Variants in SLC22A23 observed in about 807,000 individuals in gnomAD.
SLC22A23 encodes the protein ion transporter protein.
In SLC22A23, 26 loss-of-function variants were observed where a neutral mutation model predicts 61.0. The ratio of observed to expected loss-of-function variants is 0.43; its 90% CI spans 0.31 to 0.59. The LOEUF is 0.59. Ranked by LOEUF, SLC22A23 falls within the 20% of genes least tolerant of loss-of-function variation. SLC22A23 has a pLI of 0.11. For synonymous variants in SLC22A23, 430 were observed against 413.9 expected (o/e 1.04, Z -0.47); for missense variants, 796 against 934.7 (o/e 0.85, Z 1.94).
At chr6:3,325,577 A>G (rs35349019) in intron 3 of SLC22A23, among the ~76,000 whole-genome samples, 38,318 of 152,180 alleles carry the variant, frequency 0.25, 5,948 homozygotes, top group African/African-American at 0.44. Flanking sequence ...CATTTGCTGC[A>G]ATGCTGTTCC....
rs186877611 is a variant in SLC22A23 at position 3,378,598 on chromosome 6, G to A, written c.913+31590C>T. ...CCCTGGCTCAGATACCATCTGTCCA[G>A]CCTTAGATATGCCTCTGAACCTCTC... On this transcript the variant is annotated intron_variant, in intron 3 of 9. Coordinates refer to ENST00000406686, the MANE Select transcript of SLC22A23 (RefSeq NM_015482.2). Among the ~76,000 whole-genome samples the A allele has an allele frequency of 7.3e-5, 11 of 151,298 alleles. No individual in the cohort carries two copies. The East Asian group carries it at 2.1e-3, about 29-fold the overall frequency.
chr6:3,408,681 G>A lies in SLC22A23; in HGVS notation c.913+1507C>T, dbSNP rs567262619. Among the ~76,000 whole-genome samples the A allele has an allele frequency of 4.6e-5, 7 of 152,314 alleles. No homozygotes were observed. The East Asian group carries it at 7.7e-4, about 17-fold the overall frequency. On this transcript the variant is annotated intron_variant, in intron 3 of 9. Transcript: ENST00000406686. ...GATAAAACCAATACACCATCTTTGC[G>A]GTAAGGTAATTTTCCATGAACACTC...
chr6:3,290,885 AG>A (rs1760522172), intron 5 of SLC22A23: 1 of 152,270 alleles, frequency 6.6e-6, no homozygotes, highest in Middle Eastern at 3.2e-3. Context: ...CCCGAAGCGG[AG>A]GGGAACCAGG....
intron 3 of SLC22A23, among the ~76,000 whole-genome samples, chr6:3,381,728 C>T (rs965189473): frequency 1.3e-5 from 2 of 152,164 alleles, no homozygotes; most frequent in African/African-American, 4.8e-5. Flanking sequence ...AGAATGGAAT[C>T]AGGAGAAAAG....
chr6:3,455,310 T>G (rs543707351), intron 1 of SLC22A23, among the ~76,000 whole-genome samples: 3 of 152,354 alleles, frequency 2.0e-5, no homozygotes, highest in Non-Finnish European at 4.4e-5. Flanking sequence ...CTCCGCGTCC[T>G]TCCTATACTG....
Position 3,431,350 on chromosome 6 carries a change from T to C in SLC22A23, c.655-15495A>G, listed in dbSNP as rs139361947. Among the ~76,000 whole-genome samples, 353 of 152,366 alleles carry C rather than the reference T, an allele frequency of 2.3e-3. 2 individuals are homozygous for C. The highest frequency in any genetic ancestry group is 8.2e-3 in the African/African-American group (341 of 41,586). On this transcript the variant is annotated intron_variant, in intron 1 of 9. Coordinates refer to ENST00000406686, the MANE Select transcript of SLC22A23 (RefSeq NM_015482.2). ...GATGCTACTGTTGTTAGAAATATCC[T>C]GATCAAGGATCACAGAAAAGGAGGA...
At chr6:3,310,824 C>A (rs896120321) in intron 4 of SLC22A23, among the ~76,000 whole-genome samples, 1 of 152,198 alleles carries the variant, frequency 6.6e-6, no homozygotes. Context: ...CTGTATGAGA[C>A]GCACGTCTAC....
Position 3,286,100 on chromosome 6 carries a change from A to ATT in SLC22A23, c.1546+757_1546+758dup, listed in dbSNP as rs34898819. On this transcript the variant is annotated intron_variant, in intron 7 of 9. Transcript: ENST00000406686. The surrounding 1 kb of genome is among the most constrained non-coding windows in gnomAD (Gnocchi z 4.2). ...GATGGACTCTCTAGCTTTGCCTTAGATTTTTTTTTTTTTTTTGAGATGGAG... is the reference window on the plus strand; with the variant it reads ...GATGGACTCTCTAGCTTTGCCTTAGATTTTTTTTTTTTTTTTTTGAGATGGAG... Among the ~76,000 whole-genome samples, 2 of 142,018 alleles carry ATT rather than the reference A, an allele frequency of 1.4e-5. No homozygotes were observed. The highest frequency in any genetic ancestry group is 2.6e-5 in the African/African-American group (1 of 38,868). 93.2% of individuals were successfully genotyped at this position (142,018 alleles called of 152,430 possible).
rs59207405 is a variant in SLC22A23, at chr6:3,296,485, G to A, written c.1210+1606C>T. ...AGGCTGTCATGGAGAAATAATACAC[G>A]TGAAGCACTTGGGGGCTAAATATTA... is the stretch of plus-strand genomic sequence containing the variant. On this transcript the variant is annotated intron_variant, in intron 5 of 9. Coordinates refer to ENST00000406686, the MANE Select transcript of SLC22A23 (RefSeq NM_015482.2). Among the ~76,000 whole-genome samples the A allele has an allele frequency of 1.3e-5, 2 of 152,186 alleles. 1 individual carries two copies. The highest frequency in any genetic ancestry group is 1.3e-4 in the Admixed American group (2 of 15,278).
intron 1 of SLC22A23, among the ~76,000 whole-genome samples, chr6:3,428,465 C>T (rs1285695569): frequency 1.3e-5 from 2 of 152,180 alleles, no homozygotes; most frequent in African/African-American, 4.8e-5. Context: ...CAATCAGTGT[C>T]TCGGGCTTCA....
intron 4 of SLC22A23, among the ~76,000 whole-genome samples, chr6:3,310,075 G>T (rs1033522697): frequency 2.6e-5 from 4 of 152,252 alleles, no homozygotes; most frequent in Non-Finnish European, 5.9e-5. Context: ...TATGGAAAAT[G>T]TATTTATGTG....
intron 6 of SLC22A23, 100 bp from the exon 7 acceptor site, chr6:3,287,191 A>G (rs1760097862): frequency 1.9e-6 from 2 of 1,073,704 alleles, no homozygotes; most frequent in Non-Finnish European, 2.7e-6. Context: ...GGAGATGAAG[A>G]AGCAACTCAA....
At position 3,272,987 on chromosome 6, in the gene SLC22A23, G is replaced by A. The variant is rs938696947; in HGVS notation, c.*68C>T. ...CTTTCCCACCCCTGGCTGCGTGTTC[G>A]GTCCCTGGTCTGTAAACCTGTGCCC... On this transcript the variant is annotated 3_prime_UTR_variant, in exon 10 of 10. Coordinates refer to ENST00000406686, the MANE Select transcript of SLC22A23 (RefSeq NM_015482.2). The A allele has an allele frequency of 3.3e-5, 46 of 1,385,844 alleles. 1 individual carries two copies. In the Admixed American group the frequency reaches 9.5e-4, roughly 28 times the overall value. The allele number at this position is 1,385,844 out of a possible 1,614,324, so 85.8% of individuals were successfully genotyped here.
At chr6:3,285,149 G>A in intron 7 of SLC22A23, 38 bp from the exon 8 acceptor site, 1 of 1,612,278 alleles carries the variant, frequency 6.2e-7, no homozygotes, top group South Asian at 1.1e-5. Context: ...CACGGACAAG[G>A]GCCAAGCAAG....
rs1772305905 is a variant in SLC22A23 at position 3,454,680 on chromosome 6, T to C, written c.654+1226A>G. 6.6e-6 allele frequency among the ~76,000 whole-genome samples: 1 copy of C among 152,058 alleles called. No homozygotes were observed. The highest frequency in any genetic ancestry group is 6.5e-5 in the Admixed American group (1 of 15,270). On this transcript the variant is annotated intron_variant, in intron 1 of 9. Transcript: ENST00000406686. This position sits in a 1 kb window ranked among gnomAD's most constrained non-coding sequence, Gnocchi z 4.3. ...AAGGTGAACCCAGCTAGAAGGACCT[T>C]CCCCATTACCTTGCAGGGCAGCAGG...
At position 3,272,990 on chromosome 6, in the gene SLC22A23, C is replaced by T. The variant is rs2127278380; in HGVS notation, c.*65G>A. 1 of 1,420,490 alleles carries T rather than the reference C, an allele frequency of 7.0e-7. No individual in the cohort carries two copies. The highest frequency in any genetic ancestry group is 9.4e-7 in the Non-Finnish European group (1 of 1,063,674). 88.0% of individuals were successfully genotyped at this position (1,420,490 alleles called of 1,614,324 possible). A position where few individuals can be genotyped will look rare whatever the true frequency, so the allele number is the denominator to read the frequency against. On this transcript the variant is annotated 3_prime_UTR_variant, in exon 10 of 10. Transcript: ENST00000406686. Reference sequence around the variant, plus strand: ...TCCCACCCCTGGCTGCGTGTTCGGTCCCTGGTCTGTAAACCTGTGCCCAAG... The same window carrying T: ...TCCCACCCCTGGCTGCGTGTTCGGTTCCTGGTCTGTAAACCTGTGCCCAAG...
intron 3 of SLC22A23, among the ~76,000 whole-genome samples, chr6:3,383,746 G>T (rs1767104650): frequency 6.6e-6 from 1 of 152,178 alleles, no homozygotes; most frequent in Admixed American, 6.5e-5. Flanking sequence ...TCAAGGAACT[G>T]ATACCAGCTC....
At chr6:3,293,704 C>T (rs149732488) in intron 5 of SLC22A23, among the ~76,000 whole-genome samples, 1 of 152,372 alleles carries the variant, frequency 6.6e-6, no homozygotes, top group Non-Finnish European at 1.5e-5. Context: ...ACCTTGCTTT[C>T]ATCACTTACA....
At position 3,327,177 on chromosome 6, in the gene SLC22A23, T is replaced by TGGCCAGG. The variant is rs757530591; in HGVS notation, c.914-3182_914-3176dup. 3.9e-5 allele frequency among the ~76,000 whole-genome samples: 6 copies of TGGCCAGG among 152,256 alleles called. No individual in the cohort carries two copies. The highest frequency in any genetic ancestry group is 8.8e-5 in the Non-Finnish European group (6 of 68,050). ...CACCTTGAAGATGGTTCCAGTCGCC[T>TGGCCAGG]GGCCAGGGGCCACTGGCCTTGGGCT... On this transcript the variant is annotated intron_variant, in intron 3 of 9. Coordinates refer to ENST00000406686, the MANE Select transcript of SLC22A23 (RefSeq NM_015482.2). The surrounding 1 kb of genome is among the most constrained non-coding windows in gnomAD (Gnocchi z 4.1).
Sources: allele counts gnomAD v4.1 joint callset (sites outside exome capture counted in the v4.1 genomes callset), GRCh38; gene constraint gnomAD v4.1.1; non-coding constraint Gnocchi (gnomAD v3.1); transcripts MANE v1.5; gene names NCBI Gene and HGNC (gene_info 2026-07-23, HGNC 2026-07-21).